The following MLLT6 variants were observed in gnomAD, a reference collection of about 807,000 sequenced individuals.
MLLT6 encodes MLLT6, PHD finger containing.
Under a neutral mutation model 103.0 loss-of-function variants are expected in MLLT6, and 22 were observed. The observed-to-expected ratio is 0.21, with a 90% CI of 0.15 to 0.31. The LOEUF is 0.31. Among genes scored for constraint, MLLT6 ranks in the 10% least tolerant of loss-of-function variants. MLLT6 has a pLI of 1.00. For synonymous variants in MLLT6, 606 were observed against 623.5 expected (o/e 0.97, Z 0.42); for missense variants, 1,199 against 1,441.7 (o/e 0.83, Z 2.73).
rs1905088683 is a variant in MLLT6, at chr17:38,709,990, T to C, written c.552+415T>C. On this transcript the variant is annotated intron_variant, in intron 6 of 19. Coordinates refer to ENST00000621332, the MANE Select transcript of MLLT6 (RefSeq NM_005937.4). The surrounding 1 kb of genome is among the most constrained non-coding windows in gnomAD (Gnocchi z 4.3). ...CCAACCCTAAGAACTAGGTGTGCTA[T>C]ATTTTCCCCATTTTACAGATGAGTA... Among the ~76,000 whole-genome samples the C allele has an allele frequency of 6.6e-6, 1 of 152,240 alleles. No homozygotes were observed. Among genetic ancestry groups the C allele is most frequent in the Admixed American group, 6.5e-5 (1 of 15,280 alleles).
intron 2 of MLLT6, 143 bp from the exon 3 acceptor site, chr17:38,707,343 C>A: frequency 4.2e-6 from 3 of 712,508 alleles, no homozygotes; most frequent in Non-Finnish European, 7.2e-6. Flanking sequence ...CAACAGTTAC[C>A]AACTCATGGC....
In MLLT6 at chr17:38,707,575, C is replaced by T. The variant is rs778284814; in HGVS notation, c.244+35C>T. The stretch of plus-strand genomic sequence containing the variant: ...GCTCATCTGCTGAGGTCAGCAGGGC[C>T]CCCTGAGCAGGGTCTGGGAAGGCAG... On this transcript the variant is annotated intron_variant, in intron 3 of 19. Transcript: ENST00000621332. 8 of 1,606,266 alleles carry T rather than the reference C, an allele frequency of 5.0e-6. No individual in the cohort carries two copies. The Middle Eastern group carries it at 1.3e-3, about 265-fold the overall frequency.
chr17:38,711,659 A>C (rs1242527956), intron 6 of MLLT6, among the ~76,000 whole-genome samples, 188 bp from the exon 7 acceptor site: 7 of 151,910 alleles, frequency 4.6e-5, no homozygotes, highest in African/African-American at 1.5e-4. Flanking sequence ...CAGCTGGAAC[A>C]CTCTAGGATT....
At chr17:38,707,370 G>C in intron 2 of MLLT6, 116 bp from the exon 3 acceptor site, 3 of 907,390 alleles carry the variant, frequency 3.3e-6, no homozygotes, top group East Asian at 4.9e-5. Flanking sequence ...TGTTTCCACT[G>C]TAGCCCCATC....
Position 38,706,796 on chromosome 17 carries a change from G to T in MLLT6, c.110-154G>T, listed in dbSNP as rs1342924034. Reference sequence around the variant, plus strand: ...AAGGCTGGTGTTGGGCGGTTGGGCAGTCCTGCTGTAGAGTGAGTGACCCGT... The same window carrying T: ...AAGGCTGGTGTTGGGCGGTTGGGCATTCCTGCTGTAGAGTGAGTGACCCGT... On this transcript the variant is annotated intron_variant, in intron 1 of 19. Coordinates refer to ENST00000621332, the MANE Select transcript of MLLT6 (RefSeq NM_005937.4). 7.5e-6 allele frequency: 4 copies of T among 532,610 alleles called. No homozygotes were observed. The Admixed American group carries it at 1.3e-4, about 18-fold the overall frequency. The allele number at this position is 532,610 out of a possible 1,614,324, so 33.0% of individuals were successfully genotyped here. A position where few individuals can be genotyped will look rare whatever the true frequency, so the allele number is the denominator to read the frequency against.
intron 9 of MLLT6, 145 bp downstream of exon 9, chr17:38,715,973 C>T (rs1007564704): frequency 1.3e-6 from 1 of 758,594 alleles, no homozygotes; most frequent in African/African-American, 1.8e-5. Context: ...CCCTCCTCTC[C>T]AAACCTGCCC....
chr17:38,715,554 C>T (rs1905299057), intron 8 of MLLT6, 58 bp from the exon 9 acceptor site: 21 of 1,529,104 alleles, frequency 1.4e-5, no homozygotes, highest in Admixed American at 2.0e-5. Flanking sequence ...ACTCCCACAT[C>T]AGGATCAGCA....
In MLLT6 at chr17:38,722,238, G is replaced by A. The variant is rs1905796196; in HGVS notation, c.2792+11G>A. The A allele has an allele frequency of 7.3e-7, 1 of 1,369,400 alleles. No homozygotes were observed. The allele number at this position is 1,369,400 out of a possible 1,614,324, so 84.8% of individuals were successfully genotyped here. A position where few individuals can be genotyped will look rare whatever the true frequency, so the allele number is the denominator to read the frequency against. On this transcript the variant is annotated intron_variant, in intron 17 of 19. Transcript: ENST00000621332. ...AGGCTGTCTCAACAGGTGAGGGAGA[G>A]CTCAGCCCTGGGAAGGGGAACAGGG...
Position 38,716,618 on chromosome 17 carries a change from C to T in MLLT6, c.1288C>T (p.Pro430Ser), listed in dbSNP as rs753085152. 3.1e-6 allele frequency: 5 copies of T among 1,613,918 alleles called. No individual in the cohort carries two copies. The Admixed American group carries it at 6.7e-5, about 22-fold the overall frequency. The change falls in exon 10 of 20, where the codon CCC (proline) becomes TCC (serine). Residue 430 changes from proline (P) to serine (S), a missense_variant. Transcript: ENST00000621332. This position sits in a 1 kb window ranked among gnomAD's most constrained non-coding sequence, Gnocchi z 5.6. Reference sequence around the variant, plus strand: ...GCCCTCCCCTGGGGACTATAAGTCTCCCCACGTCACGGGGTCTGGGGCCTC... The same window carrying T: ...GCCCTCCCCTGGGGACTATAAGTCTTCCCACGTCACGGGGTCTGGGGCCTC... ...RAPSPGDYKS[P>S]HVTGSGASAG...
At chr17:38,710,428 T>C (rs1351212634) in intron 6 of MLLT6, among the ~76,000 whole-genome samples, 1 of 151,430 alleles carries the variant, frequency 6.6e-6, no homozygotes, top group Non-Finnish European at 1.5e-5. Flanking sequence ...AGCGGGAGAG[T>C]AACATGATCA....
At chr17:38,708,653 T>C (rs769299348) in intron 4 of MLLT6, among the ~76,000 whole-genome samples, 5 of 152,162 alleles carry the variant, frequency 3.3e-5, no homozygotes, top group Non-Finnish European at 5.9e-5. Context: ...TCCCAGACTT[T>C]GGGAGGCTGA....
At chr17:38,714,055 G>A (rs1410553347) in intron 8 of MLLT6, 3 of 152,328 alleles carry the variant, frequency 2.0e-5, no homozygotes, top group East Asian at 3.9e-4. Flanking sequence ...ACGAACTCAC[G>A]GCATGCCAGG....
chr17:38,710,458 T>C (rs985659360), intron 6 of MLLT6, among the ~76,000 whole-genome samples: 34 of 152,050 alleles, frequency 2.2e-4, no homozygotes, highest in Non-Finnish European at 7.4e-5. Context: ...TTTAGGAAGA[T>C]TACCCTGGCA....
In MLLT6 at chr17:38,722,871, T is replaced by G. The variant is rs73293277; in HGVS notation, c.2883+103T>G. ...CAGGAGAGGGCAGGAGCAGGCAGAG[T>G]GAGGGGAAGCTCTAGGCTGGGCCTG... On this transcript the variant is annotated intron_variant, in intron 18 of 19. Coordinates refer to ENST00000621332, the MANE Select transcript of MLLT6 (RefSeq NM_005937.4). 6.2e-3 allele frequency: 5,450 copies of G among 872,728 alleles called. 192 individuals are homozygous for G. In the African/African-American group the frequency reaches 0.075, roughly 12 times the overall value. The allele number at this position is 872,728 out of a possible 1,614,324, so 54.1% of individuals were successfully genotyped here. A position where few individuals can be genotyped will look rare whatever the true frequency, so the allele number is the denominator to read the frequency against.
intron 18 of MLLT6, 144 bp downstream of exon 18, chr17:38,722,912 G>A: frequency 1.5e-6 from 1 of 658,618 alleles, no homozygotes; most frequent in South Asian, 1.8e-5. Flanking sequence ...CTGGGGCTGG[G>A]CCCTGTGGAG....
Position 38,705,722 on chromosome 17 carries a change from C to T in MLLT6, c.90C>T (p.Cys30=), listed in dbSNP as rs776180633. The T allele has an allele frequency of 7.3e-6, 11 of 1,514,394 alleles. No individual in the cohort carries two copies. The highest frequency in any genetic ancestry group is 5.0e-5 in the South Asian group (4 of 80,658). The allele number at this position is 1,514,394 out of a possible 1,614,324, so 93.8% of individuals were successfully genotyped here. A position where few individuals can be genotyped will look rare whatever the true frequency, so the allele number is the denominator to read the frequency against. Residue 30 remains cysteine, a synonymous_variant, in exon 1 of 20, where the codon TGC becomes TGT. Coordinates refer to ENST00000621332, the MANE Select transcript of MLLT6 (RefSeq NM_005937.4). ...NPLVYCDGHA[C]SVAVHQACYG... is the part of the protein sequence containing the mutation. ...TGGTCTACTGCGATGGGCACGCGTGCAGCGTGGCCGTCCACCAAGGTACGG... is the reference window on the plus strand; with the variant it reads ...TGGTCTACTGCGATGGGCACGCGTGTAGCGTGGCCGTCCACCAAGGTACGG...
rs1297997350 is a variant in MLLT6 at position 38,716,123 on chromosome 17, A to G, written c.1037-244A>G. Reference sequence around the variant, plus strand: ...AGAACCCCCATTAACATTTTCTCCTATAATCGCTACAGTCATCTGGTGAGG... The same window carrying G: ...AGAACCCCCATTAACATTTTCTCCTGTAATCGCTACAGTCATCTGGTGAGG... On this transcript the variant is annotated intron_variant, in intron 9 of 19. Transcript: ENST00000621332. This position sits in a 1 kb window ranked among gnomAD's most constrained non-coding sequence, Gnocchi z 5.6. The G allele has an allele frequency of 5.0e-6, 3 of 598,842 alleles. No individual in the cohort carries two copies. The highest frequency in any genetic ancestry group is 5.9e-6 in the Non-Finnish European group (2 of 341,608). The allele number at this position is 598,842 out of a possible 1,614,324, so 37.1% of individuals were successfully genotyped here. A position where few individuals can be genotyped will look rare whatever the true frequency, so the allele number is the denominator to read the frequency against.
rs912127608 is a variant in MLLT6 at position 38,718,191 on chromosome 17, A to G, written c.1942+238A>G. 35 of 404,870 alleles carry G rather than the reference A, an allele frequency of 8.6e-5. 1 individual carries two copies. The highest frequency in any genetic ancestry group is 1.1e-4 in the Non-Finnish European group (25 of 227,776). 25.1% of individuals were successfully genotyped at this position (404,870 alleles called of 1,614,324 possible). On this transcript the variant is annotated intron_variant, in intron 12 of 19. Transcript: ENST00000621332. ...GGAGTTTGAGACCAGCCTGGCCAACATGGTGAAACCCCGTCTCTACTAAAA... is the reference window on the plus strand; with the variant it reads ...GGAGTTTGAGACCAGCCTGGCCAACGTGGTGAAACCCCGTCTCTACTAAAA...
intron 19 of MLLT6, chr17:38,725,350 C>G (rs756257809): frequency 6.9e-6 from 4 of 576,666 alleles, no homozygotes; most frequent in South Asian, 6.7e-5. Context: ...CTTGCACATG[C>G]CCACGCAGCC....
Sources: gnomAD v4.1 joint callset for allele counts (sites outside exome capture counted in the v4.1 genomes callset) on GRCh38, gnomAD v4.1.1 for gene constraint, Gnocchi (gnomAD v3.1) non-coding constraint, MANE v1.5 for transcripts, NCBI Gene and HGNC (gene_info 2026-07-23, HGNC 2026-07-21) for gene names.